Variants in MBD5 observed in about 807,000 individuals in gnomAD.
MBD5 encodes methyl-CpG-binding domain protein 5.
MBD5 carries 13 observed loss-of-function variants against 117.3 expected under a neutral mutation model. The ratio of observed to expected loss-of-function variants is 0.11; its 90% CI spans 0.07 to 0.18. MBD5 has a LOEUF of 0.18. MBD5 is among the 10% of genes least tolerant of loss of function. The pLI is 1.00. For missense variants in MBD5, 1,879 were observed against 2,093.8 expected (o/e 0.90, Z 2.00); for synonymous variants, 727 against 766.4 (o/e 0.95, Z 0.85).
intron 4 of MBD5, among the ~76,000 whole-genome samples, chr2:148,373,448 C>T (rs1360602806): frequency 6.6e-6 from 1 of 151,988 alleles, no homozygotes; most frequent in African/African-American, 2.4e-5. Flanking sequence ...CTTCTATATT[C>T]GTTATTGGAA....
intron 4 of MBD5, among the ~76,000 whole-genome samples, chr2:148,444,800 C>G (rs1023936890): frequency 1.3e-5 from 2 of 150,870 alleles, no homozygotes; most frequent in Non-Finnish European, 2.9e-5. Flanking sequence ...GTTATGCCCA[C>G]CTCCCCACCC....
chr2:148,202,923 G>C (rs1391861101), intron 2 of MBD5, among the ~76,000 whole-genome samples: 2 of 151,922 alleles, frequency 1.3e-5, no homozygotes, highest in African/African-American at 4.8e-5. Context: ...GGCCAACATA[G>C]TGAAACCAGT....
chr2:148,484,551 G>C (rs1378851828), intron 9 of MBD5, among the ~76,000 whole-genome samples: 2 of 152,304 alleles, frequency 1.3e-5, no homozygotes, highest in East Asian at 3.9e-4. Context: ...GAAACAGATT[G>C]AGAAAGTGTT....
At chr2:148,233,153 C>T (rs1167122263) in intron 2 of MBD5, 92 bp from the exon 3 acceptor site, 1 of 152,136 alleles carries the variant, frequency 6.6e-6, no homozygotes, top group Admixed American at 6.5e-5. Flanking sequence ...GCATAAAAAT[C>T]TCAAAACTTC....
chr2:148,056,942 T>C (rs1694882983), intron 1 of MBD5, among the ~76,000 whole-genome samples: 1 of 151,912 alleles, frequency 6.6e-6, no homozygotes, highest in African/African-American at 2.4e-5. Flanking sequence ...AGTTTATTCT[T>C]TAGATAATAC....
chr2:148,151,567 G>A (rs191439571), intron 1 of MBD5, among the ~76,000 whole-genome samples: 6 of 152,268 alleles, frequency 3.9e-5, no homozygotes, highest in African/African-American at 2.4e-5. Flanking sequence ...AATCCATCTG[G>A]TCCTAGACTC....
chr2:148,436,529 C>T (rs547424869), intron 4 of MBD5, among the ~76,000 whole-genome samples: 14 of 151,992 alleles, frequency 9.2e-5, no homozygotes, highest in South Asian at 2.1e-4. Flanking sequence ...TGCACCACCA[C>T]GCCAGGCTAA....
chr2:148,168,711 C>T (rs897525461), intron 1 of MBD5, among the ~76,000 whole-genome samples: 1 of 151,760 alleles, frequency 6.6e-6, no homozygotes, highest in Non-Finnish European at 1.5e-5. Context: ...CTATTACACT[C>T]CAGCCTGGGT....
intron 1 of MBD5, among the ~76,000 whole-genome samples, chr2:148,154,664 C>G (rs879963827): frequency 6.6e-6 from 1 of 152,194 alleles, no homozygotes; most frequent in African/African-American, 2.4e-5. Flanking sequence ...GTCGGAAAAG[C>G]GCAGTAATCG....
At chr2:148,496,861 A>G (rs2105185405) in intron 11 of MBD5, among the ~76,000 whole-genome samples, 1 of 152,316 alleles carries the variant, frequency 6.6e-6, no homozygotes, top group South Asian at 2.1e-4. Flanking sequence ...CATTTAAAGG[A>G]ATGATTAGTA....
intron 4 of MBD5, among the ~76,000 whole-genome samples, chr2:148,431,312 T>C (rs1469685573): frequency 2.6e-5 from 4 of 152,142 alleles, no homozygotes; most frequent in Non-Finnish European, 5.9e-5. Context: ...TATTACTGTC[T>C]CATACCACTT....
intron 2 of MBD5, among the ~76,000 whole-genome samples, chr2:148,231,185 C>T (rs974248459): frequency 5.9e-5 from 9 of 152,180 alleles, no homozygotes; most frequent in African/African-American, 2.2e-4. Flanking sequence ...CCACAGAACA[C>T]TTTAGCCTGC....
In MBD5 at chr2:148,404,482, G is replaced by C. The variant is rs1705018478; in HGVS notation, c.-556-53721G>C. 2.6e-5 allele frequency among the ~76,000 whole-genome samples: 4 copies of C among 152,094 alleles called. No homozygotes were observed. In the South Asian group the frequency reaches 6.2e-4, roughly 24 times the overall value. On this transcript the variant is annotated intron_variant, in intron 4 of 13. Coordinates refer to ENST00000642680, the MANE Select transcript of MBD5 (RefSeq NM_001378120.1). Reference sequence around the variant, plus strand: ...GATCCCTGCATTTCTCTCCCAGTGTGTTTCTCTCTTCTCTAGCATTCTATT... The same window carrying C: ...GATCCCTGCATTTCTCTCCCAGTGTCTTTCTCTCTTCTCTAGCATTCTATT...
At chr2:148,035,973 A>C (rs1313731943) in intron 1 of MBD5, among the ~76,000 whole-genome samples, 1 of 152,204 alleles carries the variant, frequency 6.6e-6, no homozygotes, top group African/African-American at 2.4e-5. Flanking sequence ...ACTATAGAAA[A>C]TAGTGACTAG....
intron 1 of MBD5, among the ~76,000 whole-genome samples, chr2:148,036,342 T>C (rs1346620530): frequency 1.3e-5 from 2 of 152,164 alleles, no homozygotes; most frequent in East Asian, 1.9e-4. Context: ...AAACTATTAG[T>C]TGACATTCTC....
intron 3 of MBD5, among the ~76,000 whole-genome samples, chr2:148,263,120 T>C (rs1263704927): frequency 6.6e-6 from 1 of 152,162 alleles, no homozygotes; most frequent in Admixed American, 6.6e-5. Context: ...GATGATGAGT[T>C]TTTTATTCTC....
rs186722318 is a variant in MBD5, at chr2:148,395,644, C to T, written c.-557+53308C>T. Among the ~76,000 whole-genome samples the T allele has an allele frequency of 8.5e-5, 13 of 152,110 alleles. No homozygotes were observed. In the East Asian group the frequency reaches 1.9e-3, roughly 23 times the overall value. On this transcript the variant is annotated intron_variant, in intron 4 of 13. Coordinates refer to ENST00000642680, the MANE Select transcript of MBD5 (RefSeq NM_001378120.1). ...TTTACCATGTTGGCCAGGCTGGTCTCGAACTCCTGACCTCAGGTGATCCAC... is the reference window on the plus strand; with the variant it reads ...TTTACCATGTTGGCCAGGCTGGTCTTGAACTCCTGACCTCAGGTGATCCAC...
intron 2 of MBD5, among the ~76,000 whole-genome samples, chr2:148,206,638 TA>T (rs1699289728): frequency 1.3e-5 from 2 of 152,142 alleles, no homozygotes; most frequent in Admixed American, 1.3e-4. Flanking sequence ...TCTCACTTTT[TA>T]AAAAGTAGAT....
chr2:148,447,210 A>AGGAAGAAG (rs1706580373), intron 4 of MBD5, among the ~76,000 whole-genome samples: 2 of 131,410 alleles, frequency 1.5e-5, no homozygotes, highest in African/African-American at 5.9e-5. Context: ...AAAGAAAGAA[A>AGGAAGAAG]GAAAGAAAGA....
Sources: gnomAD v4.1 joint callset for allele counts (sites outside exome capture counted in the v4.1 genomes callset) on GRCh38, gnomAD v4.1.1 for gene constraint, MANE v1.5 for transcripts, NCBI Gene and HGNC (gene_info 2026-07-23, HGNC 2026-07-21) for gene names.